The following CRKL variants were observed in gnomAD, a reference collection of about 807,000 sequenced individuals.
The protein encoded by CRKL is crk-like protein.
A neutral mutation model predicts 23.0 loss-of-function variants in CRKL; 3 were observed. The observed-to-expected ratio is 0.13, with a 90% CI of 0.06 to 0.34. The LOEUF (loss-of-function observed/expected upper bound fraction) is 0.34, where lower values mean the gene tolerates loss of function less well. CRKL is among the 10% of genes least tolerant of loss of function. CRKL has a pLI of 1.00. For missense variants in CRKL, 256 were observed against 394.5 expected, an observed-to-expected ratio of 0.65 and a Z score of 2.97; for synonymous variants, 188 against 160.7, an observed-to-expected ratio of 1.17 and a Z score of -1.28.
chr22:20,936,044 C>T (rs1921648041), intron 2 of CRKL, among the ~76,000 whole-genome samples: 1 of 152,058 alleles, frequency 6.6e-6, no homozygotes, highest in African/African-American at 2.4e-5. Context: ...CCTGTAGCCT[C>T]AGCTACTCAG....
At chr22:20,944,746 C>T (rs895600021) in intron 2 of CRKL, among the ~76,000 whole-genome samples, 1 of 146,060 alleles carries the variant, frequency 6.8e-6, no homozygotes, top group African/African-American at 2.5e-5. Flanking sequence ...AATGGAATCA[C>T]TTTTTTTTTT....
chr22:20,924,577 A>T (rs1921124673), intron 1 of CRKL, among the ~76,000 whole-genome samples: 1 of 152,186 alleles, frequency 6.6e-6, no homozygotes, highest in Admixed American at 6.5e-5. Flanking sequence ...GAACATGGCC[A>T]GGTGCAGTGG....
chr22:20,917,422 T>G lies in CRKL; in HGVS notation c.-513T>G. ...CAGCGCGTGCGCAGACGGAGCGCGCTGAGCGGAGGGGGAGGTGGCTGCCGC... is the reference window on the plus strand; with the variant it reads ...CAGCGCGTGCGCAGACGGAGCGCGCGGAGCGGAGGGGGAGGTGGCTGCCGC... On this transcript the variant is annotated 5_prime_UTR_variant, in exon 1 of 3. Transcript: ENST00000354336. 4.5e-6 allele frequency: 1 copy of G among 222,250 alleles called. No individual in the cohort carries two copies. The highest frequency in any genetic ancestry group is 9.0e-6 in the Non-Finnish European group (1 of 110,794). The allele number at this position is 222,250 out of a possible 1,614,324, so 13.8% of individuals were successfully genotyped here. A position where few individuals can be genotyped will look rare whatever the true frequency, so the allele number is the denominator to read the frequency against.
chr22:20,932,655 CAG>C (rs200567800), intron 1 of CRKL, among the ~76,000 whole-genome samples: 8,278 of 152,174 alleles, frequency 0.054, 270 homozygotes, highest in East Asian at 0.08. Flanking sequence ...TTCTGTAAAA[CAG>C]AGATGGAGTG....
At chr22:20,946,667 T>C (rs917534465) in intron 2 of CRKL, among the ~76,000 whole-genome samples, 3 of 152,040 alleles carry the variant, frequency 2.0e-5, no homozygotes, top group African/African-American at 7.3e-5. Context: ...TCAGGGATCA[T>C]TTCTATAGTT....
At chr22:20,927,842 C>CAAAAAAAA (rs796204860) in intron 1 of CRKL, among the ~76,000 whole-genome samples, 4 of 56,240 alleles carry the variant, frequency 7.1e-5, no homozygotes, top group African/African-American at 1.9e-4. Context: ...GACTCTGTCT[C>CAAAAAAAA]AAAAAAAAAA....
chr22:20,939,233 C>CTT lies in CRKL; in HGVS notation c.777+5013_777+5014dup, dbSNP rs140538861. 8.1e-3 allele frequency among the ~76,000 whole-genome samples: 611 copies of CTT among 75,158 alleles called. 2 individuals are homozygous for CTT. The highest frequency in any genetic ancestry group is 0.01 in the African/African-American group (178 of 17,256). The allele number at this position is 75,158 out of a possible 152,430, so 49.3% of individuals were successfully genotyped here. On this transcript the variant is annotated intron_variant, in intron 2 of 2. Coordinates refer to ENST00000354336, the MANE Select transcript of CRKL (RefSeq NM_005207.4). ...TGTGGCACATCTGGAACATAAGTTGCTTTTTTTTTTTTTTTTTTTTTTTTT... is the reference window on the plus strand; with the variant it reads ...TGTGGCACATCTGGAACATAAGTTGCTTTTTTTTTTTTTTTTTTTTTTTTTTT...
chr22:20,923,439 G>A (rs922605980), intron 1 of CRKL, among the ~76,000 whole-genome samples: 1 of 151,330 alleles, frequency 6.6e-6, no homozygotes, highest in Non-Finnish European at 1.5e-5. Context: ...CACCATGCCC[G>A]GGTAACTTTT....
intron 2 of CRKL, among the ~76,000 whole-genome samples, chr22:20,945,094 C>A (rs971183962): frequency 1.3e-5 from 2 of 151,712 alleles, no homozygotes; most frequent in African/African-American, 4.8e-5. Context: ...CCCGGGTGCA[C>A]GCCATTCTCC....
intron 1 of CRKL, among the ~76,000 whole-genome samples, chr22:20,919,279 A>T (rs963195983): frequency 6.6e-6 from 1 of 152,106 alleles, no homozygotes; most frequent in African/African-American, 2.4e-5. Flanking sequence ...AATTTATTGC[A>T]TATTTTCTCC....
chr22:20,941,538 A>T (rs868105332), intron 2 of CRKL, among the ~76,000 whole-genome samples: 6 of 50,428 alleles, frequency 1.2e-4, no homozygotes, highest in East Asian at 2.0e-3. Flanking sequence ...TATATATTTT[A>T]TGTGTGTGTG....
chr22:20,937,014 C>T (rs1201550932), intron 2 of CRKL, among the ~76,000 whole-genome samples: 1 of 152,140 alleles, frequency 6.6e-6, no homozygotes, highest in African/African-American at 2.4e-5. Flanking sequence ...GTGCCCGCCA[C>T]CATACCCAAC....
rs1555918902 is a variant in CRKL, at chr22:20,927,128, A to AAAAAAAAAAAAAAAAAAAAG, written c.312-6643_312-6642insAAAAAAAAAAAGAAAAAAAA. Among the ~76,000 whole-genome samples the AAAAAAAAAAAAAAAAAAAAG allele has an allele frequency of 9.5e-4, 119 of 125,798 alleles. 3 individuals carry two copies. Among genetic ancestry groups the AAAAAAAAAAAAAAAAAAAAG allele is most frequent in the East Asian group, 3.7e-3 (12 of 3,246 alleles). 82.5% of individuals were successfully genotyped at this position (125,798 alleles called of 152,430 possible). On this transcript the variant is annotated intron_variant, in intron 1 of 2. Coordinates refer to ENST00000354336, the MANE Select transcript of CRKL (RefSeq NM_005207.4). ...CTCCGTCTCAAAAAAAAAAAAAAAAAAAAAAAAAGAATGGTGGTTAAAGCA... is the reference window on the plus strand; with the variant it reads ...CTCCGTCTCAAAAAAAAAAAAAAAAAAAAAAAAAAAAAAAAAAAAGAAAAAAAAGAATGGTGGTTAAAGCA...
chr22:20,946,770 T>A (rs1922073696), intron 2 of CRKL, among the ~76,000 whole-genome samples: 1 of 151,378 alleles, frequency 6.6e-6, no homozygotes, highest in South Asian at 2.1e-4. Flanking sequence ...AGTGCTTCTT[T>A]GAGCTGGATC....
At chr22:20,928,196 C>T (rs1357170116) in intron 1 of CRKL, among the ~76,000 whole-genome samples, 4 of 151,392 alleles carry the variant, frequency 2.6e-5, no homozygotes, top group Non-Finnish European at 2.9e-5. Flanking sequence ...GTGGCATGCA[C>T]CTGTAGTCCC....
Position 20,951,509 on chromosome 22 carries a change from A to G in CRKL, c.*1664A>G. ...GCACATAGCAGACTAGAATTCTGGG[A>G]ACCCTGTGCAATTCAGTCTGCTCTC... On this transcript the variant is annotated 3_prime_UTR_variant, in exon 3 of 3. Coordinates refer to ENST00000354336, the MANE Select transcript of CRKL (RefSeq NM_005207.4). The G allele has an allele frequency of 8.8e-6, 2 of 227,398 alleles. No individual in the cohort carries two copies. Among genetic ancestry groups the G allele is most frequent in the Non-Finnish European group, 8.7e-6 (1 of 114,474 alleles). The allele number at this position is 227,398 out of a possible 1,614,324, so 14.1% of individuals were successfully genotyped here. A position where few individuals can be genotyped will look rare whatever the true frequency, so the allele number is the denominator to read the frequency against.
intron 2 of CRKL, among the ~76,000 whole-genome samples, chr22:20,940,512 T>G (rs1267848553): frequency 6.6e-6 from 1 of 151,996 alleles, no homozygotes; most frequent in Admixed American, 6.6e-5. Flanking sequence ...TACTGCTGTT[T>G]GCCAGTGTGT....
At chr22:20,919,535 A>C (rs939465003) in intron 1 of CRKL, among the ~76,000 whole-genome samples, 10 of 152,198 alleles carry the variant, frequency 6.6e-5, no homozygotes, top group Non-Finnish European at 1.2e-4. Flanking sequence ...AATTTGCCTT[A>C]AGCGTTTTAG....
intron 1 of CRKL, among the ~76,000 whole-genome samples, chr22:20,923,354 G>T (rs1041473929): frequency 3.3e-5 from 5 of 151,312 alleles, no homozygotes; most frequent in Non-Finnish European, 7.4e-5. Flanking sequence ...TTGGCTCACT[G>T]CAAGCTCCGC....
Sources: allele counts gnomAD v4.1 joint callset (sites outside exome capture counted in the v4.1 genomes callset), GRCh38; gene constraint gnomAD v4.1.1; transcripts MANE v1.5; gene names NCBI Gene and HGNC (gene_info 2026-07-23, HGNC 2026-07-21).